The following OPALIN variants were observed in gnomAD, a reference collection of about 807,000 sequenced individuals.
OPALIN encodes the protein transmembrane protein 10.
OPALIN carries 15 observed loss-of-function variants against 17.8 expected under a neutral mutation model. The observed-to-expected ratio is 0.84, with a 90% CI of 0.56 to 1.29. OPALIN has a LOEUF of 1.29. Ranked by LOEUF, OPALIN falls within the 50% of genes most tolerant of loss-of-function variation. OPALIN has a pLI of 0.00. For synonymous variants in OPALIN, 62 were observed against 63.8 expected (o/e 0.97, Z 0.14); for missense variants, 170 against 176.0 (o/e 0.97, Z 0.19).
intron 1 of OPALIN, among the ~76,000 whole-genome samples, chr10:96,358,666 A>G (rs1449856652): frequency 2.6e-5 from 4 of 152,214 alleles, no homozygotes; most frequent in African/African-American, 9.6e-5. Context: ...TGAAACATCT[A>G]CTCTGTACTC....
intron 5 of OPALIN, among the ~76,000 whole-genome samples, chr10:96,346,697 G>A (rs1160807313): frequency 1.3e-5 from 2 of 151,938 alleles, no homozygotes; most frequent in Non-Finnish European, 2.9e-5. Flanking sequence ...AAATTGATTG[G>A]GATTTATATT....
At chr10:96,356,805 C>T in intron 1 of OPALIN, 1 of 822,802 alleles carries the variant, frequency 1.2e-6, no homozygotes, top group South Asian at 5.6e-5. Context: ...GCTCACTTCT[C>T]CCCCTCTTGG....
chr10:96,343,247 T>G lies in OPALIN; in HGVS notation c.*2694A>C, dbSNP rs1845164860. On this transcript the variant is annotated 3_prime_UTR_variant, in exon 6 of 6. Coordinates refer to ENST00000371172, the MANE Select transcript of OPALIN (RefSeq NM_033207.5). ...AGGTTCATAAGAATGGCCATTTTAC[T>G]TTTCACTTCATTCCAACATAAGTTC... 1 of 152,222 alleles carries G rather than the reference T, an allele frequency of 6.6e-6. No individual in the cohort carries two copies. Among genetic ancestry groups the G allele is most frequent in the Non-Finnish European group, 1.5e-5 (1 of 68,034 alleles). The allele number at this position is 152,222 out of a possible 1,614,324, so 9.4% of individuals were successfully genotyped here.
chr10:96,345,803 G>GC lies in OPALIN; in HGVS notation c.*137dup. On this transcript the variant is annotated 3_prime_UTR_variant, in exon 6 of 6. Coordinates refer to ENST00000371172, the MANE Select transcript of OPALIN (RefSeq NM_033207.5). ...GGATGTCCCCTAAAGAGACAAATCA[G>GC]CCCCAAAGTGTTCCAGAGCTGTAAA... 1 of 767,256 alleles carries GC rather than the reference G, an allele frequency of 1.3e-6. No homozygotes were observed. The highest frequency in any genetic ancestry group is 2.1e-6 in the Non-Finnish European group (1 of 476,064). 47.5% of individuals were successfully genotyped at this position (767,256 alleles called of 1,614,324 possible). A position where few individuals can be genotyped will look rare whatever the true frequency, so the allele number is the denominator to read the frequency against.
chr10:96,348,236 T>C (rs1845419927), intron 5 of OPALIN, 53 bp downstream of exon 5: 2 of 849,156 alleles, frequency 2.4e-6, no homozygotes, highest in African/African-American at 3.5e-5. Flanking sequence ...TTCAAACACT[T>C]AGCTTGTTTA....
At chr10:96,346,700 T>G (rs1845346318) in intron 5 of OPALIN, among the ~76,000 whole-genome samples, 1 of 152,230 alleles carries the variant, frequency 6.6e-6, no homozygotes, top group African/African-American at 2.4e-5. Flanking sequence ...TTGATTGGGA[T>G]TTATATTGAA....
chr10:96,354,824 G>A (rs1479046484), intron 2 of OPALIN, among the ~76,000 whole-genome samples: 12 of 151,800 alleles, frequency 7.9e-5, no homozygotes, highest in East Asian at 1.9e-4. Flanking sequence ...GGCCGGGCAC[G>A]GTGGCTCACA....
At chr10:96,351,886 G>A (rs1845600497) in intron 2 of OPALIN, among the ~76,000 whole-genome samples, 1 of 152,176 alleles carries the variant, frequency 6.6e-6, no homozygotes, top group Admixed American at 6.5e-5. Context: ...TGAAATGAAT[G>A]CATTACATGT....
In OPALIN at chr10:96,358,991, C is replaced by G. The variant is rs569406893; in HGVS notation, c.-95G>C. On this transcript the variant is annotated 5_prime_UTR_variant, in exon 1 of 6. Coordinates refer to ENST00000371172, the MANE Select transcript of OPALIN (RefSeq NM_033207.5). ...GGCTTGTGTCTTTCATTTGTAGGAA[C>G]AGTTAACTGACAAAGCTGCAGAGGC... 3 of 1,441,454 alleles carry G rather than the reference C, an allele frequency of 2.1e-6. No homozygotes were observed. Among genetic ancestry groups the G allele is most frequent in the South Asian group, 1.1e-5 (1 of 87,290 alleles). 89.3% of individuals were successfully genotyped at this position (1,441,454 alleles called of 1,614,324 possible).
chr10:96,346,530 C>T (rs975854681), intron 5 of OPALIN, among the ~76,000 whole-genome samples: 1 of 152,090 alleles, frequency 6.6e-6, no homozygotes, highest in African/African-American at 2.4e-5. Flanking sequence ...GTATCTAGAC[C>T]ATTTACATTT....
chr10:96,355,137 G>C, intron 2 of OPALIN, 118 bp downstream of exon 2: 2 of 155,674 alleles, frequency 1.3e-5, no homozygotes, highest in Non-Finnish European at 2.5e-5. Flanking sequence ...AAAAAAAAAA[G>C]AAAGTCTGTG....
At chr10:96,358,189 A>G (rs1301705912) in intron 1 of OPALIN, among the ~76,000 whole-genome samples, 1 of 101,806 alleles carries the variant, frequency 9.8e-6, no homozygotes, top group Non-Finnish European at 2.1e-5. Context: ...CTTTTTGTAA[A>G]AAAAAAAAAA....
intron 3 of OPALIN, 64 bp from the exon 4 acceptor site, chr10:96,349,890 T>A: frequency 2.0e-6 from 3 of 1,476,496 alleles, no homozygotes; most frequent in South Asian, 1.4e-5. Flanking sequence ...AAAGGAAAAA[T>A]TCAATAGAAT....
Position 96,349,950 on chromosome 10 carries a change from CA to C in OPALIN, c.73-125del, listed in dbSNP as rs1397189698. The C allele has an allele frequency of 1.4e-4, 154 of 1,065,146 alleles. 1 individual carries two copies. The highest frequency in any genetic ancestry group is 2.9e-4 in the Admixed American group (9 of 31,158). The allele number at this position is 1,065,146 out of a possible 1,614,324, so 66.0% of individuals were successfully genotyped here. On this transcript the variant is annotated intron_variant, in intron 3 of 5. Transcript: ENST00000371172. ...GGATCATAAACGTCATATACAAAAT[CA>C]AAAGGGTAATGAAATACTGTGCAAA... is the stretch of plus-strand genomic sequence containing the variant.
intron 3 of OPALIN, 144 bp downstream of exon 3, chr10:96,351,234 C>A: frequency 1.6e-6 from 1 of 608,758 alleles, no homozygotes; most frequent in Non-Finnish European, 2.9e-6. Flanking sequence ...CACTTTTGAG[C>A]GGAGCTGGTC....
chr10:96,349,942 T>C (rs948141137), intron 3 of OPALIN, 116 bp from the exon 4 acceptor site: 6 of 1,144,130 alleles, frequency 5.2e-6, no homozygotes, highest in Non-Finnish European at 7.2e-6. Context: ...AAACGTCATA[T>C]ACAAAATCAA....
chr10:96,357,294 T>A, intron 1 of OPALIN: 1 of 295,510 alleles, frequency 3.4e-6, no homozygotes, highest in Non-Finnish European at 5.0e-6. Context: ...ATGTGTTGTT[T>A]ATCAACATTC....
In OPALIN at chr10:96,345,813, G is replaced by A. The variant is rs766515715; in HGVS notation, c.*128C>T. ...TAAAGAGACAAATCAGCCCCAAAGT[G>A]TTCCAGAGCTGTAAATGAAATTTGG... On this transcript the variant is annotated 3_prime_UTR_variant, in exon 6 of 6. Transcript: ENST00000371172. 77 of 858,484 alleles carry A rather than the reference G, an allele frequency of 9.0e-5. 1 individual carries two copies. Among genetic ancestry groups the A allele is most frequent in the Non-Finnish European group, 1.3e-4 (73 of 550,734 alleles). The allele number at this position is 858,484 out of a possible 1,614,324, so 53.2% of individuals were successfully genotyped here. A position where few individuals can be genotyped will look rare whatever the true frequency, so the allele number is the denominator to read the frequency against.
rs563290156 is a variant in OPALIN at position 96,347,525 on chromosome 10, G to A, written c.249+764C>T. On this transcript the variant is annotated intron_variant, in intron 5 of 5. Transcript: ENST00000371172. Reference sequence around the variant, plus strand: ...CTTGCTCTTGTCACCCGGCTGGAGTGCAGTGGTGCGATCTCAGCTCACTGC... The same window carrying A: ...CTTGCTCTTGTCACCCGGCTGGAGTACAGTGGTGCGATCTCAGCTCACTGC... Among the ~76,000 whole-genome samples, 57 of 151,702 alleles carry A rather than the reference G, an allele frequency of 3.8e-4. 1 individual carries two copies. In the East Asian group the frequency reaches 8.1e-3, roughly 22 times the overall value.
Sources: allele counts gnomAD v4.1 joint callset (sites outside exome capture counted in the v4.1 genomes callset), GRCh38; gene constraint gnomAD v4.1.1; transcripts MANE v1.5; gene names NCBI Gene and HGNC (gene_info 2026-07-23, HGNC 2026-07-21).